OVCH2: variants seen among roughly 807,000 people sequenced by gnomAD.
OVCH2 encodes ovochymase-2.
A neutral mutation model predicts 73.7 loss-of-function variants in OVCH2; 88 were observed. That is an observed-to-expected ratio of 1.19 (90% CI 1.01 to 1.43). The LOEUF (loss-of-function observed/expected upper bound fraction) is 1.43. Ranked by LOEUF, OVCH2 falls within the 40% of genes most tolerant of loss-of-function variation. The pLI, the probability that OVCH2 is intolerant of heterozygous loss-of-function variation, is 0.00. For missense variants in OVCH2, 706 were observed against 674.5 expected (o/e 1.05, Z -0.52); for synonymous variants, 265 against 234.5 (o/e 1.13, Z -1.19).
the OVCH2 span, among the ~76,000 whole-genome samples, chr11:7,680,096 A>C: frequency 1.3e-5 from 2 of 152,236 alleles, no homozygotes; most frequent in Non-Finnish European, 2.9e-5. Flanking sequence ...CAACTCCAGC[A>C]AATTAATCTA....
chr11:7,687,121 C>T (rs917952975), downstream of OVCH2, among the ~76,000 whole-genome samples: 2 of 151,826 alleles, frequency 1.3e-5, no homozygotes, highest in East Asian at 1.9e-4. Context: ...GATCCACCCC[C>T]GGACCCCAAC....
At chr11:7,682,241 T>A in the OVCH2 span, among the ~76,000 whole-genome samples, 240 of 152,358 alleles carry the variant, frequency 1.6e-3, 1 homozygote, top group African/African-American at 5.6e-3. Flanking sequence ...ATCACATCGC[T>A]GGACAGTAGC....
At position 7,691,259 on chromosome 11, in the gene OVCH2, A is replaced by G; in HGVS notation, c.1639+10T>C. The G allele has an allele frequency of 6.3e-7, 1 of 1,599,824 alleles. No homozygotes were observed. ...TGGGAACCAAAGAGTTGGTAACTCT[A>G]TCTTCTTACCTGCTTTAGGAATGAA... On this transcript the variant is annotated intron_variant, in intron 14 of 15. Transcript: ENST00000533663.
At chr11:7,685,408 A>G (rs945708269), downstream of OVCH2, among the ~76,000 whole-genome samples, 2 of 151,380 alleles carry the variant, frequency 1.3e-5, no homozygotes, top group Non-Finnish European at 2.9e-5. Context: ...AGGCAATTCT[A>G]TTTCTACCCA....
At chr11:7,705,135 C>G (rs956314235) in intron 1 of OVCH2, among the ~76,000 whole-genome samples, 9 of 152,102 alleles carry the variant, frequency 5.9e-5, no homozygotes, top group African/African-American at 1.9e-4. Flanking sequence ...TTAGAACTAG[C>G]CTTGCTTCAT....
intron 12 of OVCH2, among the ~76,000 whole-genome samples, chr11:7,692,796 G>T (rs1207076029): frequency 6.6e-6 from 1 of 152,106 alleles, no homozygotes; most frequent in Non-Finnish European, 1.5e-5. Context: ...TGATCACCTG[G>T]AATCAACCTA....
intron 8 of OVCH2, among the ~76,000 whole-genome samples, chr11:7,697,141 A>G (rs542120592): frequency 6.3e-4 from 96 of 152,132 alleles, no homozygotes; most frequent in Middle Eastern, 3.4e-3. Context: ...GGCTCAGGCA[A>G]TCCTCCTGCT....
intron 15 of OVCH2, 39 bp downstream of exon 15, chr11:7,689,885 A>G (rs1236439346): frequency 1.6e-6 from 2 of 1,219,790 alleles, no homozygotes; most frequent in Non-Finnish European, 2.3e-6. Context: ...ACCCTGGATT[A>G]TACTCTGTGT....
At position 7,689,916 on chromosome 11, in the gene OVCH2, C is replaced by A; in HGVS notation, c.*31+8G>T. On this transcript the variant is annotated splice_region_variant and intron_variant, in intron 15 of 15. Transcript: ENST00000533663. The stretch of plus-strand genomic sequence containing the variant: ...TGTGTGTATCAATTGGTCCCCAAAA[C>A]AGCTTACCAGAAACATTGGTTTCTC... 6.8e-7 allele frequency: 1 copy of A among 1,460,282 alleles called. No individual in the cohort carries two copies. The highest frequency in any genetic ancestry group is 1.2e-5 in the South Asian group (1 of 82,588). The allele number at this position is 1,460,282 out of a possible 1,614,324, so 90.5% of individuals were successfully genotyped here.
downstream of OVCH2, among the ~76,000 whole-genome samples, chr11:7,687,710 T>C (rs1222878216): frequency 6.6e-6 from 1 of 152,094 alleles, no homozygotes; most frequent in Non-Finnish European, 1.5e-5. Context: ...CTCTTTCCCC[T>C]GTCTTTGCTT....
In OVCH2 at chr11:7,706,296, T is replaced by G; in HGVS notation, c.88+11A>C. 6.4e-7 allele frequency: 1 copy of G among 1,574,562 alleles called. No homozygotes were observed. The highest frequency in any genetic ancestry group is 1.3e-5 in the African/African-American group (1 of 74,528). ...AGACAAAGGTAATTATAGAGTTCAT[T>G]TGAAACTTACCTTTGGGGAGCGAAA... On this transcript the variant is annotated intron_variant, in intron 1 of 15. Transcript: ENST00000533663.
At position 7,699,083 on chromosome 11, in the gene OVCH2, A is replaced by G. The variant is rs575274321; in HGVS notation, c.902-310T>C. 1.9e-5 allele frequency: 5 copies of G among 259,688 alleles called. No individual in the cohort carries two copies. In the East Asian group the frequency reaches 4.6e-4, roughly 24 times the overall value. The allele number at this position is 259,688 out of a possible 1,614,324, so 16.1% of individuals were successfully genotyped here. A position where few individuals can be genotyped will look rare whatever the true frequency, so the allele number is the denominator to read the frequency against. ...ATGGAAATAGTTTGTCCATAACTATAAAAGAGTTGCTGGGTTAAATAGGTC... is the reference window on the plus strand; with the variant it reads ...ATGGAAATAGTTTGTCCATAACTATGAAAGAGTTGCTGGGTTAAATAGGTC... On this transcript the variant is annotated intron_variant, in intron 7 of 15. Coordinates refer to ENST00000533663, the MANE Select transcript of OVCH2 (RefSeq NM_198185.7).
chr11:7,691,493 G>C (rs1856220749), intron 13 of OVCH2, 93 bp from the exon 14 acceptor site: 1 of 1,443,992 alleles, frequency 6.9e-7, no homozygotes, highest in African/African-American at 1.4e-5. Flanking sequence ...CATCCTTCAG[G>C]TAATTGTTGA....
At position 7,696,571 on chromosome 11, in the gene OVCH2, C is replaced by G. The variant is rs767861779; in HGVS notation, c.1035G>C (p.Leu345=). The G allele has an allele frequency of 2.5e-6, 4 of 1,614,016 alleles. No individual in the cohort carries two copies. Among genetic ancestry groups the G allele is most frequent in the Non-Finnish European group, 2.5e-6 (3 of 1,179,904 alleles). Residue 345 remains leucine (L), a synonymous_variant, in exon 10 of 16, where the codon CTG becomes CTC. Coordinates refer to ENST00000533663, the MANE Select transcript of OVCH2 (RefSeq NM_198185.7). ...YESKQRCVWT[L]LVPEEMHVLL... ...ACACATGCATTTCCTCTGGTACCAGCAGGGTCCAGACACACCGTCTGTAGG... is the reference window on the plus strand; with the variant it reads ...ACACATGCATTTCCTCTGGTACCAGGAGGGTCCAGACACACCGTCTGTAGG...
At chr11:7,700,112 C>T (rs1370468717) in intron 7 of OVCH2, 184 bp downstream of exon 7, 1 of 602,346 alleles carries the variant, frequency 1.7e-6, no homozygotes, top group African/African-American at 1.8e-5. Context: ...GCATGCTGCT[C>T]CACATACCAT....
intron 12 of OVCH2, among the ~76,000 whole-genome samples, chr11:7,693,349 C>G (rs1025035018): frequency 9.9e-5 from 15 of 152,156 alleles, no homozygotes; most frequent in African/African-American, 3.6e-4. Context: ...TACTGGGATA[C>G]TTTCTGGGAA....
At chr11:7,684,532 GTGTGTGTGTGTA>G (rs1175722752), downstream of OVCH2, among the ~76,000 whole-genome samples, 1 of 148,190 alleles carries the variant, frequency 6.7e-6, no homozygotes, top group Non-Finnish European at 1.5e-5. Flanking sequence ...GTGTGTGTGT[GTGTGTGTGTGTA>G]TTACGGTTCT....
intron 7 of OVCH2, chr11:7,699,861 T>C (rs1241664041): frequency 6.4e-6 from 1 of 156,320 alleles, no homozygotes. Context: ...TTGTGACAAT[T>C]AAAAATGTCT....
intron 8 of OVCH2, among the ~76,000 whole-genome samples, chr11:7,698,261 C>T (rs1459977433): frequency 6.6e-6 from 1 of 152,062 alleles, no homozygotes; most frequent in Non-Finnish European, 1.5e-5. Context: ...GATCTTTCCA[C>T]GGGTTCAAAG....
Sources: gnomAD v4.1 joint callset for allele counts (sites outside exome capture counted in the v4.1 genomes callset) on GRCh38, gnomAD v4.1.1 for gene constraint, MANE v1.5 for transcripts, NCBI Gene and HGNC (gene_info 2026-07-23, HGNC 2026-07-21) for gene names.